XRCC3: variants seen among roughly 807,000 people sequenced by gnomAD.
XRCC3 encodes the protein DNA repair protein XRCC3.
A neutral mutation model predicts 29.2 loss-of-function variants in XRCC3; 34 were observed. The ratio of observed to expected loss-of-function variants is 1.16; its 90% confidence interval spans 0.88 to 1.55. The LOEUF (loss-of-function observed/expected upper bound fraction) is 1.55, where lower values mean the gene tolerates loss of function less well. Ranked by LOEUF, XRCC3 falls within the 40% of genes most tolerant of loss-of-function variation. The probability of loss-of-function intolerance (pLI) is 0.00; values close to 1 mark genes in which losing one functional copy is unlikely to be tolerated. For missense variants in XRCC3, 463 were observed against 467.6 expected (o/e 0.99, Z 0.09); for synonymous variants, 223 against 211.3 (o/e 1.06, Z -0.48).
chr14:103,702,982 C>T (rs2083285780), intron 7 of XRCC3, 191 bp downstream of exon 7: 1 of 834,778 alleles, frequency 1.2e-6, no homozygotes. Context: ...GCCAGTTCCT[C>T]TCAGTCACTC....
intron 4 of XRCC3, 149 bp from the exon 5 acceptor site, chr14:103,708,808 C>A: frequency 1.0e-6 from 1 of 969,970 alleles, no homozygotes; most frequent in Non-Finnish European, 1.6e-6. Flanking sequence ...ATCCCCTGCT[C>A]CCTGGAAACC....
At chr14:103,712,505 A>G (rs1423181743) in intron 2 of XRCC3, 1 of 152,434 alleles carries the variant, frequency 6.6e-6, no homozygotes, top group East Asian at 1.9e-4. Flanking sequence ...CCCGGCTCGA[A>G]AAGAGGTCAT....
At chr14:103,708,493 C>A (rs376707350) in intron 5 of XRCC3, 29 bp downstream of exon 5, 1 of 1,612,792 alleles carries the variant, frequency 6.2e-7, no homozygotes, top group African/African-American at 1.3e-5. Context: ...CACATGTCAC[C>A]CCTGGCAGAG....
At chr14:103,700,488 C>A (rs185075069) in intron 7 of XRCC3, 1 of 556,320 alleles carries the variant, frequency 1.8e-6, no homozygotes, top group Non-Finnish European at 3.1e-6. Flanking sequence ...TCAGGCCCCA[C>A]GGGCCTTGCC....
Position 103,698,567 on chromosome 14 carries a change from A to G in XRCC3, c.*231T>C. On this transcript the variant is annotated 3_prime_UTR_variant, in exon 10 of 10. Transcript: ENST00000555055. ...GCTCAGCAGTGGGGACCAGGTACCC[A>G]GCAAGCGGGCCTGTCCCCAGACCCA... is the stretch of plus-strand genomic sequence containing the variant. The G allele has an allele frequency of 1.7e-6, 1 of 576,568 alleles. No individual in the cohort carries two copies. Among genetic ancestry groups the G allele is most frequent in the Admixed American group, 3.0e-5 (1 of 33,540 alleles). 35.7% of individuals were successfully genotyped at this position (576,568 alleles called of 1,614,324 possible).
At chr14:103,700,611 C>T (rs540956761) in intron 7 of XRCC3, 161 of 1,530,668 alleles carry the variant, frequency 1.1e-4, no homozygotes, top group Middle Eastern at 5.7e-4. Context: ...GCCTGAGGGC[C>T]GCCTGCACGC....
Position 103,698,529 on chromosome 14 carries a change from T to G in XRCC3, c.*269A>C. On this transcript the variant is annotated 3_prime_UTR_variant, in exon 10 of 10. Coordinates refer to ENST00000555055, the MANE Select transcript of XRCC3 (RefSeq NM_005432.4). The stretch of plus-strand genomic sequence containing the variant: ...AGGCTCCAGCCCTGAGAATCACCTC[T>G]CCCCAAGGGCCAGCTCAGCAGTGGG... 1.9e-6 allele frequency: 1 copy of G among 518,212 alleles called. No homozygotes were observed. The highest frequency in any genetic ancestry group is 3.5e-6 in the Non-Finnish European group (1 of 284,304). 32.1% of individuals were successfully genotyped at this position (518,212 alleles called of 1,614,324 possible). A position where few individuals can be genotyped will look rare whatever the true frequency, so the allele number is the denominator to read the frequency against.
chr14:103,699,980 C>T lies in XRCC3; in HGVS notation c.562-404G>A, dbSNP rs776468518. The stretch of plus-strand genomic sequence containing the variant: ...AACCAGCCCCCTCCTTCAGTGGCCC[C>T]GCACCAGGTACTCAGACCACCCAAA... On this transcript the variant is annotated intron_variant, in intron 7 of 9. Transcript: ENST00000555055. The T allele has an allele frequency of 5.9e-5, 19 of 320,518 alleles. No individual in the cohort carries two copies. The East Asian group carries it at 6.3e-4, about 11-fold the overall frequency. 19.9% of individuals were successfully genotyped at this position (320,518 alleles called of 1,614,324 possible). A position where few individuals can be genotyped will look rare whatever the true frequency, so the allele number is the denominator to read the frequency against.
intron 1 of XRCC3, 62 bp downstream of exon 1, chr14:103,715,362 C>T (rs1255658798): frequency 6.6e-6 from 1 of 152,406 alleles, no homozygotes; most frequent in East Asian, 1.9e-4. Flanking sequence ...CCGCCCACGA[C>T]CTCCGACCCC....
rs756095186 is a variant in XRCC3 at position 103,699,527 on chromosome 14, C to T, written c.611G>A (p.Arg204Gln). Residue 204 changes from arginine to glutamine, a missense_variant, in exon 8 of 10, where the codon CGG (arginine) becomes CAG (glutamine). Transcript: ENST00000555055. ...VNKKVPVLLS[R>Q]GMARLVVIDS... is the part of the protein sequence containing the mutation. The stretch of plus-strand genomic sequence containing the variant: ...GATGACCACCAGGCGAGCCATGCCC[C>T]GAGACAGCAGTACGGGGACCTTCTT... 1.7e-5 allele frequency: 27 copies of T among 1,613,356 alleles called. No individual in the cohort carries two copies. In the East Asian group the frequency reaches 4.0e-4, roughly 24 times the overall value.
At chr14:103,713,793 G>A (rs2083711416) in intron 1 of XRCC3, 1 of 152,244 alleles carries the variant, frequency 6.6e-6, no homozygotes, top group African/African-American at 2.4e-5. Flanking sequence ...CCACATATGT[G>A]AGGACTTGAG....
At chr14:103,707,371 G>A (rs2083472126) in intron 5 of XRCC3, 156 bp from the exon 6 acceptor site, 3 of 940,876 alleles carry the variant, frequency 3.2e-6, no homozygotes, top group Non-Finnish European at 4.9e-6. Context: ...TGAGGGCAGG[G>A]AGGGGGGCCC....
intron 7 of XRCC3, chr14:103,700,360 G>T: frequency 2.7e-6 from 1 of 372,406 alleles, no homozygotes. Context: ...GGGTGCTGCC[G>T]TGGCCTGTGG....
At chr14:103,701,185 C>G (rs2083169926) in intron 7 of XRCC3, 1 of 1,550,512 alleles carries the variant, frequency 6.4e-7, no homozygotes, top group Non-Finnish European at 8.7e-7. Flanking sequence ...CCCTGACCTT[C>G]TATCTTCTCT....
At chr14:103,708,720 G>A (rs1325180016) in intron 4 of XRCC3, 61 bp from the exon 5 acceptor site, 4 of 1,607,548 alleles carry the variant, frequency 2.5e-6, no homozygotes, top group Non-Finnish European at 3.4e-6. Context: ...GGGCAACACA[G>A]TGACAAAAGG....
intron 4 of XRCC3, chr14:103,710,160 G>GAAAAA: frequency 6.6e-6 from 1 of 152,174 alleles, no homozygotes; most frequent in Admixed American, 6.5e-5. Context: ...ACTAACTCGG[G>GAAAAA]CGAAAAAAGA....
intron 4 of XRCC3, chr14:103,710,301 G>A (rs949322813): frequency 6.6e-6 from 1 of 152,490 alleles, no homozygotes; most frequent in Non-Finnish European, 1.5e-5. Context: ...GAGCTGGGGG[G>A]AGAGGAAGTT....
chr14:103,709,329 G>T (rs940967782), intron 4 of XRCC3: 2 of 163,574 alleles, frequency 1.2e-5, no homozygotes, highest in African/African-American at 4.8e-5. Context: ...TTTCAAACTT[G>T]TAGAAAGACG....
intron 4 of XRCC3, chr14:103,709,463 C>T (rs2083551177): frequency 6.5e-6 from 1 of 153,584 alleles, no homozygotes. Flanking sequence ...CAGAAACCCC[C>T]TCAACACGGG....
Sources: gnomAD v4.1 joint callset for allele counts on GRCh38, gnomAD v4.1.1 for gene constraint, MANE v1.5 for transcripts, NCBI Gene and HGNC (gene_info 2026-07-23, HGNC 2026-07-21) for gene names.